Variants in GRIN2A observed in about 807,000 individuals in gnomAD.
GRIN2A encodes glutamate ionotropic receptor NMDA type subunit 2A, also known as glutamate receptor ionotropic, NMDA 2A.
Under a neutral mutation model 113.4 loss-of-function variants are expected in GRIN2A, and 22 were observed. That is an observed-to-expected ratio of 0.19 (90% CI 0.14 to 0.28). The LOEUF (loss-of-function observed/expected upper bound fraction) is 0.28, where lower values mean the gene tolerates loss of function less well. Among genes scored for constraint, GRIN2A ranks in the 10% least tolerant of loss-of-function variants. The pLI, the probability that GRIN2A is intolerant of heterozygous loss-of-function variation, is 1.00. For synonymous variants in GRIN2A, 827 were observed against 738.4 expected, an observed-to-expected ratio of 1.12 and a Z score of -1.94; for missense variants, 1,502 against 1,887.0, an observed-to-expected ratio of 0.80 and a Z score of 3.78.
intron 4 of GRIN2A, among the ~76,000 whole-genome samples, chr16:9,865,760 T>G (rs2043151095): frequency 6.6e-6 from 1 of 152,190 alleles, no homozygotes; most frequent in Non-Finnish European, 1.5e-5. Context: ...ACCCTAAACC[T>G]GGGGTCAGCA....
intron 2 of GRIN2A, among the ~76,000 whole-genome samples, chr16:10,055,082 A>G (rs1383097298): frequency 6.3e-5 from 5 of 79,104 alleles, no homozygotes; most frequent in Non-Finnish European, 9.4e-5. Flanking sequence ...AAAAAAAAAA[A>G]AAAGAAAAAA....
chr16:10,128,615 T>C (rs2048996160), intron 2 of GRIN2A, among the ~76,000 whole-genome samples: 1 of 152,178 alleles, frequency 6.6e-6, no homozygotes, highest in South Asian at 2.1e-4. Context: ...GCATGAATCA[T>C]GTGTGCCTGC....
intron 2 of GRIN2A, among the ~76,000 whole-genome samples, chr16:10,173,147 C>T (rs1368387070): frequency 6.6e-6 from 1 of 151,580 alleles, no homozygotes; most frequent in Non-Finnish European, 1.5e-5. Flanking sequence ...TGTTGATGAT[C>T]GCATCTGACA....
intron 2 of GRIN2A, among the ~76,000 whole-genome samples, chr16:9,952,029 G>T (rs559144834): frequency 1.3e-5 from 2 of 152,094 alleles, no homozygotes; most frequent in African/African-American, 4.8e-5. Flanking sequence ...TTTCATATTT[G>T]CTGCAAACTT....
intron 2 of GRIN2A, among the ~76,000 whole-genome samples, chr16:10,004,018 C>T (rs2046364640): frequency 6.6e-6 from 1 of 152,022 alleles, no homozygotes; most frequent in Non-Finnish European, 1.5e-5. Flanking sequence ...GTGTGTGCTG[C>T]CTCTCACTAT....
At chr16:9,797,226 G>T (rs558959035) in intron 11 of GRIN2A, among the ~76,000 whole-genome samples, 1 of 152,316 alleles carries the variant, frequency 6.6e-6, no homozygotes, top group Non-Finnish European at 1.5e-5. Flanking sequence ...TCCACTATTT[G>T]AACGGGGCTT....
intron 2 of GRIN2A, among the ~76,000 whole-genome samples, chr16:10,043,236 C>T (rs193274372): frequency 3.5e-4 from 54 of 152,186 alleles, no homozygotes; most frequent in Non-Finnish European, 6.0e-4. Flanking sequence ...GGCTTGATGC[C>T]GTTAAGTAAC....
At chr16:10,009,060 G>T (rs1011805454) in intron 2 of GRIN2A, among the ~76,000 whole-genome samples, 1 of 152,152 alleles carries the variant, frequency 6.6e-6, no homozygotes, top group Admixed American at 6.5e-5. Flanking sequence ...GTCAAGTGCT[G>T]ATAAAGTCCC....
chr16:9,830,480 CAAAAAAAAA>C (rs71400501), intron 8 of GRIN2A, among the ~76,000 whole-genome samples: 2 of 73,072 alleles, frequency 2.7e-5, no homozygotes, highest in African/African-American at 8.9e-5. Flanking sequence ...TCTGCATGGG[CAAAAAAAAA>C]AAAAAAAAAA....
intron 4 of GRIN2A, among the ~76,000 whole-genome samples, chr16:9,880,969 A>G (rs773004901): frequency 2.0e-5 from 3 of 152,314 alleles, no homozygotes; most frequent in Non-Finnish European, 2.9e-5. Context: ...CTTGAAAACC[A>G]GATGTCTTAT....
chr16:10,149,934 C>G (rs1070473), intron 2 of GRIN2A, among the ~76,000 whole-genome samples: 35,580 of 152,122 alleles, frequency 0.23, 4,850 homozygotes, highest in East Asian at 0.4. Flanking sequence ...AAGAATTGTA[C>G]AGATCTCGAA....
chr16:10,093,153 C>G (rs370603595), intron 2 of GRIN2A, among the ~76,000 whole-genome samples: 2 of 152,122 alleles, frequency 1.3e-5, no homozygotes, highest in Admixed American at 1.3e-4. Flanking sequence ...TTCTGAAACC[C>G]AGAAGAAAGA....
At chr16:9,809,771 CAT>C (rs1387482612) in intron 10 of GRIN2A, among the ~76,000 whole-genome samples, 1 of 152,096 alleles carries the variant, frequency 6.6e-6, no homozygotes, top group Non-Finnish European at 1.5e-5. Context: ...GTAATACACT[CAT>C]AAAAGCTGCT....
At chr16:9,773,934 C>G (rs1490750018) in intron 11 of GRIN2A, among the ~76,000 whole-genome samples, 1 of 152,022 alleles carries the variant, frequency 6.6e-6, no homozygotes, top group Admixed American at 6.6e-5. Context: ...CAGAGAGATG[C>G]AGAATCTAAA....
chr16:9,890,723 T>C (rs1182768920), intron 4 of GRIN2A, among the ~76,000 whole-genome samples: 1 of 152,180 alleles, frequency 6.6e-6, no homozygotes, highest in Non-Finnish European at 1.5e-5. Context: ...CTTTAAATTA[T>C]CCTTAGTTCA....
chr16:9,948,621 G>A (rs1157045629), intron 2 of GRIN2A, among the ~76,000 whole-genome samples: 1 of 152,162 alleles, frequency 6.6e-6, no homozygotes. Context: ...TATATCACAG[G>A]TATGTCATGC....
intron 10 of GRIN2A, among the ~76,000 whole-genome samples, chr16:9,801,383 C>A (rs899691400): frequency 6.6e-6 from 1 of 152,232 alleles, no homozygotes; most frequent in Non-Finnish European, 1.5e-5. Flanking sequence ...TACACATGGG[C>A]ACATTCAAAC....
At chr16:10,073,270 C>T (rs1317348437) in intron 2 of GRIN2A, among the ~76,000 whole-genome samples, 3 of 152,116 alleles carry the variant, frequency 2.0e-5, no homozygotes, top group South Asian at 2.1e-4. Flanking sequence ...TCCCGTAATT[C>T]TTGAGCATTC....
chr16:10,122,163 AC>A (rs1333067948), intron 2 of GRIN2A, among the ~76,000 whole-genome samples: 1 of 152,154 alleles, frequency 6.6e-6, no homozygotes, highest in Non-Finnish European at 1.5e-5. Flanking sequence ...CAAGAGCTTG[AC>A]CAGCAAAGTC....
Sources: gnomAD v4.1 joint callset for allele counts (sites outside exome capture counted in the v4.1 genomes callset) on GRCh38, gnomAD v4.1.1 for gene constraint, MANE v1.5 for transcripts, NCBI Gene and HGNC (gene_info 2026-07-23, HGNC 2026-07-21) for gene names.